Variants in ZRANB3 observed in about 807,000 individuals in gnomAD.
ZRANB3 encodes the protein zinc finger RANBP2-type containing 3.
In ZRANB3, 125 loss-of-function variants were observed where a neutral mutation model predicts 133.8. That is an observed-to-expected ratio of 0.93 (90% CI 0.81 to 1.08). The LOEUF is 1.08. Among genes scored for constraint, ZRANB3 ranks in the 50% least tolerant of loss-of-function variants. ZRANB3 has a pLI of 0.00. For missense variants in ZRANB3, 1,229 were observed against 1,275.5 expected, an observed-to-expected ratio of 0.96 and a Z score of 0.56; for synonymous variants, 387 against 432.7, an observed-to-expected ratio of 0.89 and a Z score of 1.31.
chr2:135,529,579 T>C lies in ZRANB3; in HGVS notation c.-8+1548A>G, dbSNP rs543368182. Among the ~76,000 whole-genome samples the C allele has an allele frequency of 6.6e-5, 10 of 152,234 alleles. No individual in the cohort carries two copies. The South Asian group carries it at 1.0e-3, about 16-fold the overall frequency. On this transcript the variant is annotated intron_variant, in intron 1 of 20. Coordinates refer to ENST00000264159, the MANE Select transcript of ZRANB3 (RefSeq NM_032143.4). ...GTGCAGTGGCGCGATCTCGGGTCAC[T>C]GTAACCACTTCCGAAGTTGAAGCGA... is the stretch of plus-strand genomic sequence containing the variant.
intron 1 of ZRANB3, chr2:135,510,779 G>T (rs1693417107): frequency 8.6e-6 from 7 of 810,470 alleles, no homozygotes; most frequent in Non-Finnish European, 1.3e-5. Flanking sequence ...TTCTGAACAG[G>T]CTCAGAATCA....
chr2:135,406,292 T>C (rs983753461), intron 2 of ZRANB3, among the ~76,000 whole-genome samples: 1 of 152,114 alleles, frequency 6.6e-6, no homozygotes, highest in Non-Finnish European at 1.5e-5. Flanking sequence ...AATCTCTGAA[T>C]AGACCAAAAA....
At chr2:135,246,443 T>C (rs939497372) in intron 12 of ZRANB3, among the ~76,000 whole-genome samples, 1 of 152,192 alleles carries the variant, frequency 6.6e-6, no homozygotes, top group Admixed American at 6.6e-5. Context: ...TGTTAGTAGA[T>C]TCACTGATTA....
intron 13 of ZRANB3, among the ~76,000 whole-genome samples, chr2:135,229,431 G>C (rs553883095): frequency 6.7e-6 from 1 of 149,370 alleles, no homozygotes; most frequent in African/African-American, 2.5e-5. Flanking sequence ...GCAGTGGCGC[G>C]ATCTCGGCTC....
intron 2 of ZRANB3, among the ~76,000 whole-genome samples, chr2:135,403,031 G>A (rs922522212): frequency 4.6e-5 from 7 of 152,152 alleles, no homozygotes; most frequent in East Asian, 3.9e-4. Context: ...TGTGGGCGAC[G>A]CAGAAGACGG....
chr2:135,290,039 T>C (rs2104792684), intron 8 of ZRANB3, among the ~76,000 whole-genome samples: 1 of 152,350 alleles, frequency 6.6e-6, no homozygotes, highest in Non-Finnish European at 1.5e-5. Flanking sequence ...GGTAGAATGT[T>C]CTCTAAATAT....
At position 135,407,707 on chromosome 2, in the gene ZRANB3, A is replaced by T. The variant is rs1395369302; in HGVS notation, c.162-16887T>A. The stretch of plus-strand genomic sequence containing the variant: ...ATCTGATCTTTGACAAACCTGACAA[A>T]AACAATAAATGGGGAAAGGATTCCC... On this transcript the variant is annotated intron_variant, in intron 2 of 20. Coordinates refer to ENST00000264159, the MANE Select transcript of ZRANB3 (RefSeq NM_032143.4). Among the ~76,000 whole-genome samples, 3 of 151,896 alleles carry T rather than the reference A, an allele frequency of 2.0e-5. No homozygotes were observed. In the East Asian group the frequency reaches 5.8e-4, roughly 29 times the overall value.
intron 2 of ZRANB3, among the ~76,000 whole-genome samples, chr2:135,439,703 A>G (rs1233827729): frequency 6.6e-6 from 1 of 152,216 alleles, no homozygotes; most frequent in Non-Finnish European, 1.5e-5. Flanking sequence ...CACCTGGCAA[A>G]CTGAAAACAA....
rs766622783 is a variant in ZRANB3, at chr2:135,208,844, A to T, written c.2606+24T>A. 1.1e-5 allele frequency: 17 copies of T among 1,519,400 alleles called. No individual in the cohort carries two copies. In the Admixed American group the frequency reaches 2.7e-4, roughly 24 times the overall value. 94.1% of individuals were successfully genotyped at this position (1,519,400 alleles called of 1,614,324 possible). A position where few individuals can be genotyped will look rare whatever the true frequency, so the allele number is the denominator to read the frequency against. ...AAAGGAGTGGAATTAGTACTACTAT[A>T]TACTAGTAGTAGAAAAACCTTACTT... is the stretch of plus-strand genomic sequence containing the variant. On this transcript the variant is annotated intron_variant, in intron 18 of 20. Transcript: ENST00000264159.
intron 2 of ZRANB3, among the ~76,000 whole-genome samples, chr2:135,395,611 C>T (rs575310224): frequency 5.3e-5 from 8 of 152,062 alleles, no homozygotes; most frequent in South Asian, 4.2e-4. Flanking sequence ...GCGCACACCA[C>T]GACGCCCGGC....
chr2:135,400,296 T>C (rs941459020), intron 2 of ZRANB3, among the ~76,000 whole-genome samples: 1 of 152,062 alleles, frequency 6.6e-6, no homozygotes, highest in Non-Finnish European at 1.5e-5. Flanking sequence ...CCTATTGGCA[T>C]GGACTCTGTG....
intron 17 of ZRANB3, among the ~76,000 whole-genome samples, chr2:135,214,354 C>T (rs1019448410): frequency 6.6e-6 from 1 of 152,050 alleles, no homozygotes; most frequent in Non-Finnish European, 1.5e-5. Flanking sequence ...GATTAATCTG[C>T]TGCTTGTTAA....
intron 2 of ZRANB3, among the ~76,000 whole-genome samples, chr2:135,417,535 T>C (rs1486615935): frequency 6.6e-6 from 1 of 152,166 alleles, no homozygotes; most frequent in African/African-American, 2.4e-5. Flanking sequence ...AGTTCAGCCA[T>C]TGTGGAAATC....
intron 2 of ZRANB3, among the ~76,000 whole-genome samples, chr2:135,431,045 C>T (rs558890329): frequency 6.6e-6 from 1 of 151,062 alleles, no homozygotes; most frequent in Admixed American, 6.6e-5. Context: ...GAGGCTGAGG[C>T]AGGAGGACTG....
intron 6 of ZRANB3, among the ~76,000 whole-genome samples, chr2:135,343,945 G>A (rs943213427): frequency 1.3e-5 from 2 of 151,900 alleles, no homozygotes; most frequent in Non-Finnish European, 2.9e-5. Flanking sequence ...TATACCTTCC[G>A]TGGAGTATGA....
intron 3 of ZRANB3, among the ~76,000 whole-genome samples, chr2:135,380,951 A>G (rs1182060902): frequency 1.3e-5 from 2 of 152,166 alleles, no homozygotes; most frequent in Non-Finnish European, 2.9e-5. Context: ...TGATTTCTGC[A>G]TTTCCAACTG....
rs190928443 is a variant in ZRANB3, at chr2:135,392,474, G to A, written c.162-1654C>T. Among the ~76,000 whole-genome samples the A allele has an allele frequency of 4.9e-3, 750 of 152,068 alleles. 21 individuals carry two copies. Among genetic ancestry groups the A allele is most frequent in the Admixed American group, 0.042 (645 of 15,276 alleles). On this transcript the variant is annotated intron_variant, in intron 2 of 20. Coordinates refer to ENST00000264159, the MANE Select transcript of ZRANB3 (RefSeq NM_032143.4). ...TATATAAAATACAAATCATGGCCGG[G>A]CACGGTGGCTAACGCCTGTAATCCC...
rs372611635 is a variant in ZRANB3, at chr2:135,202,893, C to T, written c.3080G>A (p.Gly1027Glu). 39 of 1,611,984 alleles carry T rather than the reference C, an allele frequency of 2.4e-5. No homozygotes were observed. Among genetic ancestry groups the T allele is most frequent in the Non-Finnish European group, 3.1e-5 (36 of 1,179,120 alleles). The change falls in exon 20 of 21, where the codon GGG becomes GAG. Residue 1027 changes from glycine to glutamate, a missense_variant. Gly to Glu is a moderately conservative substitution (Grantham distance 98). Transcript: ENST00000264159. ...WQVDHIKPVY[G>E]GGGQCSLDNL... The stretch of plus-strand genomic sequence containing the variant: ...GTCCAGGGAACACTGTCCTCCTCCC[C>T]CATACACTGGCTTGATGTGATCCAC...
chr2:135,336,193 G>GTTACC (rs1436638909), intron 6 of ZRANB3, among the ~76,000 whole-genome samples: 4 of 152,158 alleles, frequency 2.6e-5, no homozygotes, highest in African/African-American at 9.7e-5. Flanking sequence ...CAGGTAGCTG[G>GTTACC]TTACCTATAC....
Sources: gnomAD v4.1 joint callset for allele counts (sites outside exome capture counted in the v4.1 genomes callset) on GRCh38, gnomAD v4.1.1 for gene constraint, MANE v1.5 for transcripts, NCBI Gene and HGNC (gene_info 2026-07-23, HGNC 2026-07-21) for gene names.